Variants in THRAP3 observed in about 807,000 individuals in gnomAD.
THRAP3 encodes the protein thyroid hormone receptor-associated protein 3.
In THRAP3, 16 loss-of-function variants were observed where a neutral mutation model predicts 101.0. That is an observed-to-expected ratio of 0.16 (90% confidence interval 0.11 to 0.24). The LOEUF is 0.24. THRAP3 is among the 10% of genes least tolerant of loss of function. The pLI is 1.00. For synonymous variants in THRAP3, 407 were observed against 422.6 expected, an observed-to-expected ratio of 0.96 and a Z score of 0.45; for missense variants, 989 against 1,202.7, an observed-to-expected ratio of 0.82 and a Z score of 2.63.
the THRAP3 span, among the ~76,000 whole-genome samples, chr1:36,211,056 A>T: frequency 6.6e-6 from 1 of 151,572 alleles, no homozygotes; most frequent in South Asian, 2.1e-4. Flanking sequence ...CACATAAAAA[A>T]AAATTAAAAA....
At chr1:36,231,976 G>T (rs1308046584) in intron 1 of THRAP3, among the ~76,000 whole-genome samples, 1 of 152,120 alleles carries the variant, frequency 6.6e-6, no homozygotes, top group Non-Finnish European at 1.5e-5. Context: ...CAGCACTTTG[G>T]GAGGCTGAGG....
intron 1 of THRAP3, among the ~76,000 whole-genome samples, chr1:36,243,005 G>A (rs530939452): frequency 6.6e-6 from 1 of 152,078 alleles, no homozygotes; most frequent in East Asian, 1.9e-4. Context: ...TGAGGCAGGA[G>A]GATTGCTATG....
At chr1:36,218,049 G>A in the THRAP3 span, among the ~76,000 whole-genome samples, 8 of 152,192 alleles carry the variant, frequency 5.3e-5, no homozygotes, top group Non-Finnish European at 1.0e-4. Context: ...TAGCCAAGTT[G>A]TGAACGCAGA....
the THRAP3 span, among the ~76,000 whole-genome samples, chr1:36,211,350 G>C: frequency 6.7e-6 from 1 of 150,324 alleles, no homozygotes; most frequent in Non-Finnish European, 1.5e-5. Flanking sequence ...GACAGAGTGA[G>C]TCCAGGTCTC....
At position 36,296,410 on chromosome 1, in the gene THRAP3, T is replaced by C. The variant is rs371266705; in HGVS notation, c.2116-173T>C. On this transcript the variant is annotated intron_variant, in intron 8 of 11. Transcript: ENST00000354618. ...GCGTGGGTTCTGTGAGGGATCCTTA[T>C]GGAGTAACTTCTGTGGGACATCCTG... Among the ~76,000 whole-genome samples the C allele has an allele frequency of 5.0e-4, 76 of 152,332 alleles. 1 individual carries two copies. In the East Asian group the frequency reaches 0.013, roughly 26 times the overall value.
chr1:36,271,941 G>T (rs1344954854), intron 2 of THRAP3, among the ~76,000 whole-genome samples: 2 of 152,096 alleles, frequency 1.3e-5, no homozygotes, highest in East Asian at 3.9e-4. Flanking sequence ...TGTTGGCCAG[G>T]CTGGTCTGGA....
intron 2 of THRAP3, among the ~76,000 whole-genome samples, chr1:36,274,056 AG>A (rs1645623284): frequency 9.6e-6 from 1 of 103,798 alleles, no homozygotes; most frequent in Non-Finnish European, 2.0e-5. Flanking sequence ...AAAAAAAAAA[AG>A]ACTGTGTGTG....
chr1:36,288,605 A>G, intron 4 of THRAP3: 5 of 985,450 alleles, frequency 5.1e-6, no homozygotes, highest in Non-Finnish European at 6.0e-6. Context: ...GTCTCTTTTT[A>G]GACTTGTATT....
chr1:36,256,382 C>A (rs568779936), intron 1 of THRAP3, among the ~76,000 whole-genome samples: 6 of 151,820 alleles, frequency 4.0e-5, no homozygotes, highest in African/African-American at 1.4e-4. Context: ...CCCGCCACCA[C>A]GCCTGGCTAA....
intron 1 of THRAP3, among the ~76,000 whole-genome samples, chr1:36,227,313 C>T (rs550484839): frequency 2.0e-5 from 3 of 150,040 alleles, no homozygotes; most frequent in Admixed American, 6.6e-5. Context: ...GATGGTGTTT[C>T]GCTCTTGTTG....
At chr1:36,291,187 A>T (rs1420678206) in intron 5 of THRAP3, among the ~76,000 whole-genome samples, 187 bp from the exon 6 acceptor site, 1 of 152,238 alleles carries the variant, frequency 6.6e-6, no homozygotes, top group African/African-American at 2.4e-5. Flanking sequence ...TCCAGTAAGA[A>T]AGAGAAGAGA....
chr1:36,293,541 C>T (rs1645905444), intron 7 of THRAP3, among the ~76,000 whole-genome samples: 1 of 151,688 alleles, frequency 6.6e-6, no homozygotes, highest in Non-Finnish European at 1.5e-5. Flanking sequence ...CAAAGTTGGC[C>T]TTATCTTTGA....
chr1:36,259,342 G>A (rs995818524), intron 1 of THRAP3, 40 bp from the exon 2 acceptor site: 2 of 398,284 alleles, frequency 5.0e-6, no homozygotes, highest in Non-Finnish European at 8.9e-6. Context: ...ATCTGCATTT[G>A]GGTAGCCATT....
chr1:36,280,687 G>C (rs962168351), intron 2 of THRAP3, among the ~76,000 whole-genome samples: 14 of 152,214 alleles, frequency 9.2e-5, no homozygotes, highest in Non-Finnish European at 1.8e-4. Flanking sequence ...ATCTTTGATA[G>C]ATTCCTTACT....
At chr1:36,303,434 T>TAG (rs1440684774) in intron 11 of THRAP3, among the ~76,000 whole-genome samples, 2 of 152,140 alleles carry the variant, frequency 1.3e-5, no homozygotes, top group Admixed American at 6.6e-5. Flanking sequence ...GTGATAATGA[T>TAG]AGGGTAGATA....
intron 1 of THRAP3, among the ~76,000 whole-genome samples, chr1:36,243,106 G>A (rs528753663): frequency 7.1e-6 from 1 of 140,062 alleles, no homozygotes; most frequent in South Asian, 2.2e-4. Flanking sequence ...TGCTAATGTT[G>A]CTTATAAGTG....
chr1:36,234,704 A>T (rs1645065061), intron 1 of THRAP3, among the ~76,000 whole-genome samples: 1 of 152,050 alleles, frequency 6.6e-6, no homozygotes, highest in Non-Finnish European at 1.5e-5. Flanking sequence ...TTCCTTGGAA[A>T]TTTAGAAGGT....
At chr1:36,221,346 C>T (rs187178583), upstream of THRAP3, among the ~76,000 whole-genome samples, 89 of 151,426 alleles carry the variant, frequency 5.9e-4, 1 homozygote, top group African/African-American at 2.1e-3. Flanking sequence ...GAGCACTGCA[C>T]GCTACAGAGA....
the THRAP3 span, among the ~76,000 whole-genome samples, chr1:36,213,951 GAAAGAAAGAAGGAAAGA>G: frequency 4.3e-5 from 5 of 117,084 alleles, no homozygotes; most frequent in African/African-American, 1.2e-4. Flanking sequence ...AAGAAAGAAA[GAAAGAAAGAAGGAAAGA>G]GAAAGAAAGA....
Sources: allele counts gnomAD v4.1 joint callset (sites outside exome capture counted in the v4.1 genomes callset), GRCh38; gene constraint gnomAD v4.1.1; transcripts MANE v1.5; gene names NCBI Gene and HGNC (gene_info 2026-07-23, HGNC 2026-07-21).